The following FHIP2A variants were observed in gnomAD, a reference collection of about 807,000 sequenced individuals.
FHIP2A encodes family with sequence similarity 160 member B1.
A neutral mutation model predicts 93.5 loss-of-function variants in FHIP2A; 46 were observed. The observed-to-expected ratio is 0.49, with a 90% CI of 0.39 to 0.63. FHIP2A has a LOEUF of 0.63. Ranked by LOEUF, FHIP2A falls within the 20% of genes least tolerant of loss-of-function variation. The pLI, the probability that FHIP2A is intolerant of heterozygous loss-of-function variation, is 0.00. For synonymous variants in FHIP2A, 332 were observed against 326.5 expected (o/e 1.02, Z -0.18); for missense variants, 769 against 909.7 (o/e 0.85, Z 1.99).
intron 1 of FHIP2A, among the ~76,000 whole-genome samples, chr10:114,829,952 T>G (rs1242853569): frequency 2.6e-5 from 4 of 152,192 alleles, no homozygotes; most frequent in African/African-American, 9.7e-5. Context: ...ATTTTTGACT[T>G]TGTGGAATTT....
In FHIP2A at chr10:114,864,199, G is replaced by A. The variant is rs1357257232; in HGVS notation, c.*2659G>A. On this transcript the variant is annotated 3_prime_UTR_variant, in exon 17 of 17. Coordinates refer to ENST00000369248, the MANE Select transcript of FHIP2A (RefSeq NM_020940.4). The stretch of plus-strand genomic sequence containing the variant: ...AACATTGTTACACTTAATTTTACAG[G>A]GCACAAATTATGGAATTACTTCATA... 4 of 984,320 alleles carry A rather than the reference G, an allele frequency of 4.1e-6. No homozygotes were observed. Among genetic ancestry groups the A allele is most frequent in the Non-Finnish European group, 4.8e-6 (4 of 828,932 alleles). The allele number at this position is 984,320 out of a possible 1,614,324, so 61.0% of individuals were successfully genotyped here.
At chr10:114,882,886 AAAAG>A (rs1161261111) in intron 16 of FHIP2A, among the ~76,000 whole-genome samples, 9 of 151,850 alleles carry the variant, frequency 5.9e-5, no homozygotes, top group South Asian at 2.1e-4. Context: ...AAAAAAAAAA[AAAAG>A]AAAGAAAAGA....
chr10:114,872,305 T>C (rs1327026398), intron 16 of FHIP2A, among the ~76,000 whole-genome samples: 4 of 152,208 alleles, frequency 2.6e-5, no homozygotes, highest in Non-Finnish European at 5.9e-5. Context: ...TCTACCCAGA[T>C]GTGATCATTC....
chr10:114,839,739 G>T (rs1049262112), intron 5 of FHIP2A, among the ~76,000 whole-genome samples: 4 of 151,854 alleles, frequency 2.6e-5, no homozygotes, highest in Non-Finnish European at 4.4e-5. Flanking sequence ...AAAATCAGTC[G>T]GGCTTGGTGG....
rs370825993 is a variant in FHIP2A, at chr10:114,875,898, G to T, written c.2192+14564G>T. Among the ~76,000 whole-genome samples the T allele has an allele frequency of 1.2e-4, 5 of 42,810 alleles. 1 individual carries two copies. The highest frequency in any genetic ancestry group is 7.4e-4 in the Admixed American group (3 of 4,038). 28.1% of individuals were successfully genotyped at this position (42,810 alleles called of 152,430 possible). ...AAGAAAGAAAAGAAAGAGAGAGAAAGAAATAAAGAAAGAGAAAGAAAGAAA... is the reference window on the plus strand; with the variant it reads ...AAGAAAGAAAAGAAAGAGAGAGAAATAAATAAAGAAAGAGAAAGAAAGAAA... On this transcript the variant is annotated intron_variant, in intron 16 of 16. Coordinates refer to the FHIP2A transcript ENST00000369250.
downstream of FHIP2A, among the ~76,000 whole-genome samples, chr10:114,868,009 A>G (rs1048752201): frequency 6.7e-6 from 1 of 149,540 alleles, no homozygotes; most frequent in African/African-American, 2.5e-5. Flanking sequence ...TGGCACTATC[A>G]GCTCACTGCA....
chr10:114,856,139 G>A (rs1162763907), intron 14 of FHIP2A, among the ~76,000 whole-genome samples: 3 of 152,054 alleles, frequency 2.0e-5, no homozygotes, highest in Non-Finnish European at 4.4e-5. Context: ...ATATTTATGT[G>A]AGCATAGGGA....
downstream of FHIP2A, among the ~76,000 whole-genome samples, chr10:114,866,417 T>C (rs944028120): frequency 6.6e-6 from 1 of 152,200 alleles, no homozygotes; most frequent in East Asian, 1.9e-4. Flanking sequence ...CTTTATTTGG[T>C]AATATACCCC....
At chr10:114,848,434 CTT>C (rs1012374027) in intron 12 of FHIP2A, among the ~76,000 whole-genome samples, 3 of 151,930 alleles carry the variant, frequency 2.0e-5, no homozygotes, top group African/African-American at 7.3e-5. Flanking sequence ...AATTGTAAAA[CTT>C]ATCAGGAATT....
Position 114,860,758 on chromosome 10 carries a change from G to C in FHIP2A, c.1957G>C (p.Val653Leu). The part of the protein sequence containing the change: ...MGRILDQPYD[V>L]NLQVTSVLSR... ...TTTTATCTCTCCATAGCCATATGAT[G>C]TAAACTTACAAGTAACCTCAGTGTT... is the stretch of plus-strand genomic sequence containing the variant. Residue 653 changes from valine (V) to leucine (L), a missense_variant, in exon 15 of 17, where the codon GTA becomes CTA. Coordinates refer to ENST00000369248, the MANE Select transcript of FHIP2A (RefSeq NM_020940.4). 1 of 1,598,698 alleles carries C rather than the reference G, an allele frequency of 6.3e-7. No homozygotes were observed. The highest frequency in any genetic ancestry group is 8.6e-7 in the Non-Finnish European group (1 of 1,166,038).
At chr10:114,886,952 CTCAGGA>C (rs2083946295) in intron 16 of FHIP2A, among the ~76,000 whole-genome samples, 1 of 152,114 alleles carries the variant, frequency 6.6e-6, no homozygotes, top group Non-Finnish European at 1.5e-5. Context: ...CAGAAGAAGG[CTCAGGA>C]TCAGAGAAGT....
intron 9 of FHIP2A, 42 bp from the exon 10 acceptor site, chr10:114,846,133 C>G (rs765710178): frequency 1.2e-6 from 2 of 1,612,146 alleles, no homozygotes; most frequent in Non-Finnish European, 1.7e-6. Flanking sequence ...ATCACTGTGT[C>G]ATGTTATTTT....
At chr10:114,866,483 T>C (rs918519385), downstream of FHIP2A, among the ~76,000 whole-genome samples, 2 of 152,206 alleles carry the variant, frequency 1.3e-5, no homozygotes, top group Admixed American at 6.5e-5. Flanking sequence ...TCACTACTCA[T>C]TGATTGGACT....
At chr10:114,848,621 C>T in intron 12 of FHIP2A, 26 bp from the exon 13 acceptor site, 1 of 1,398,112 alleles carries the variant, frequency 7.2e-7, no homozygotes, top group Non-Finnish European at 1.0e-6. Flanking sequence ...GGACATCTTG[C>T]ATAATTGTGG....
chr10:114,871,558 C>G (rs151252760), intron 16 of FHIP2A, among the ~76,000 whole-genome samples: 156 of 152,220 alleles, frequency 1.0e-3, no homozygotes, highest in African/African-American at 3.3e-3. Context: ...CCTCACTCAG[C>G]CTTCCAACAT....
At chr10:114,843,249 T>A (rs773775594) in intron 6 of FHIP2A, 23 bp downstream of exon 6, 1 of 1,502,426 alleles carries the variant, frequency 6.7e-7, no homozygotes, top group South Asian at 1.3e-5. Flanking sequence ...CCTTACTTTT[T>A]CCCCCCTAAC....
rs2083884541 is a variant in FHIP2A, at chr10:114,875,873, AAGAAAGAAAAGAAAG to A, written c.2192+14543_2192+14557del. ...AAAGAAAAAGAAAGAAAGAAAGAGA[AAGAAAGAAAAGAAAG>A]AGAGAGAAAGAAATAAAGAAAGAGA... On this transcript the variant is annotated intron_variant, in intron 16 of 16. Coordinates refer to the FHIP2A transcript ENST00000369250. Among the ~76,000 whole-genome samples the A allele has an allele frequency of 2.9e-5, 4 of 140,054 alleles. 1 individual carries two copies. Among genetic ancestry groups the A allele is most frequent in the African/African-American group, 1.2e-4 (4 of 34,630 alleles). 91.9% of individuals were successfully genotyped at this position (140,054 alleles called of 152,430 possible). A position where few individuals can be genotyped will look rare whatever the true frequency, so the allele number is the denominator to read the frequency against.
chr10:114,898,570 G>T (rs1283002974), intron 16 of FHIP2A, among the ~76,000 whole-genome samples: 1 of 151,954 alleles, frequency 6.6e-6, no homozygotes, highest in African/African-American at 2.4e-5. Context: ...TTCTTTTCTT[G>T]GTCACTCTCC....
intron 16 of FHIP2A, among the ~76,000 whole-genome samples, chr10:114,897,367 C>A (rs1218547946): frequency 6.6e-6 from 1 of 152,152 alleles, no homozygotes; most frequent in Admixed American, 6.5e-5. Context: ...GGTGTACTTT[C>A]GTGGCAAAAC....
Sources: gnomAD v4.1 joint callset for allele counts (sites outside exome capture counted in the v4.1 genomes callset) on GRCh38, gnomAD v4.1.1 for gene constraint, MANE v1.5 for transcripts, NCBI Gene and HGNC (gene_info 2026-07-23, HGNC 2026-07-21) for gene names.